Variants in NAV2 observed in about 807,000 individuals in gnomAD.
NAV2 encodes the protein helicase, APC down-regulated 1.
Under a neutral mutation model 223.2 loss-of-function variants are expected in NAV2, and 54 were observed. The ratio of observed to expected loss-of-function variants is 0.24; its 90% CI spans 0.19 to 0.30. The LOEUF (loss-of-function observed/expected upper bound fraction) is 0.30. Among genes scored for constraint, NAV2 ranks in the 10% least tolerant of loss-of-function variants. The pLI, the probability that NAV2 is intolerant of heterozygous loss-of-function variation, is 1.00. For missense variants in NAV2, 2,806 were observed against 3,147.5 expected, an observed-to-expected ratio of 0.89 and a Z score of 2.60; for synonymous variants, 1,279 against 1,239.3, an observed-to-expected ratio of 1.03 and a Z score of -0.67.
chr11:19,553,207 C>T (rs532817057), intron 1 of NAV2, among the ~76,000 whole-genome samples: 14 of 152,314 alleles, frequency 9.2e-5, no homozygotes, highest in Middle Eastern at 6.8e-3. Flanking sequence ...GATGGACCTT[C>T]AAGCCAGAAC....
chr11:20,048,678 G>A, intron 14 of NAV2, 50 bp from the exon 15 acceptor site: 3 of 1,500,020 alleles, frequency 2.0e-6, no homozygotes, highest in Non-Finnish European at 1.8e-6. Flanking sequence ...ACAGTCCGGT[G>A]CCCCTTGGCA....
intron 1 of NAV2, among the ~76,000 whole-genome samples, chr11:19,606,498 G>A (rs906006161): frequency 9.2e-5 from 14 of 151,992 alleles, no homozygotes; most frequent in Non-Finnish European, 2.1e-4. Flanking sequence ...TCCCTTAACC[G>A]TCCTCTCCTC....
intron 1 of NAV2, among the ~76,000 whole-genome samples, chr11:19,363,994 G>T (rs758755030): frequency 6.6e-6 from 1 of 152,106 alleles, no homozygotes; most frequent in Non-Finnish European, 1.5e-5. Flanking sequence ...GAATCTCATG[G>T]TTTATGGATT....
intron 3 of NAV2, among the ~76,000 whole-genome samples, chr11:19,865,114 C>T (rs1447590044): frequency 6.6e-6 from 1 of 152,202 alleles, no homozygotes; most frequent in Non-Finnish European, 1.5e-5. Flanking sequence ...TGCTAATGAA[C>T]AAGTTTGGTC....
chr11:19,584,965 T>A (rs2045846349), intron 1 of NAV2, among the ~76,000 whole-genome samples: 1 of 122,248 alleles, frequency 8.2e-6, no homozygotes, highest in Middle Eastern at 3.9e-3. Flanking sequence ...ATCTGTCTAA[T>A]GTTGACAGTG....
At chr11:20,008,552 A>C (rs141673050) in intron 11 of NAV2, among the ~76,000 whole-genome samples, 18 of 152,262 alleles carry the variant, frequency 1.2e-4, no homozygotes, top group African/African-American at 3.9e-4. Flanking sequence ...CTTAAGCTTG[A>C]CCCTTAGGAT....
intron 1 of NAV2, among the ~76,000 whole-genome samples, chr11:19,509,596 C>T (rs1166659964): frequency 1.3e-5 from 2 of 152,180 alleles, no homozygotes; most frequent in Non-Finnish European, 2.9e-5. Flanking sequence ...TTGCAAGATG[C>T]TTTTCCTAGG....
intron 1 of NAV2, among the ~76,000 whole-genome samples, chr11:19,603,494 G>T (rs1197611198): frequency 6.6e-6 from 1 of 152,020 alleles, no homozygotes; most frequent in African/African-American, 2.4e-5. Context: ...TGGCATGGTG[G>T]CATGCGCCTG....
At chr11:19,939,962 C>T (rs1591338006) in intron 8 of NAV2, among the ~76,000 whole-genome samples, 189 bp downstream of exon 8, 1 of 151,256 alleles carries the variant, frequency 6.6e-6, no homozygotes, top group Non-Finnish European at 1.5e-5. Context: ...CTTTTCTCTC[C>T]CTCTTACAGT....
chr11:19,366,375 A>T (rs749795794), intron 1 of NAV2, among the ~76,000 whole-genome samples: 5 of 152,192 alleles, frequency 3.3e-5, no homozygotes, highest in Non-Finnish European at 5.9e-5. Flanking sequence ...TCTCACCTGT[A>T]GGAGAGCCAG....
chr11:20,017,129 G>T (rs573479259), intron 11 of NAV2, among the ~76,000 whole-genome samples: 1 of 152,250 alleles, frequency 6.6e-6, no homozygotes, highest in East Asian at 1.9e-4. Flanking sequence ...AGGAATGGGG[G>T]AGATGCAGAG....
rs571148171 is a variant in NAV2 at position 20,062,764 on chromosome 11, G to A, written c.4884+405G>A. ...GGCTGGAATGCAGTGGCTTGATCTC[G>A]GCTCACTGCAACCTCCGCCTCCTGG... is the stretch of plus-strand genomic sequence containing the variant. On this transcript the variant is annotated intron_variant, in intron 20 of 37. Coordinates refer to ENST00000349880, the MANE Select transcript of NAV2 (RefSeq NM_145117.5). 1.2e-4 allele frequency among the ~76,000 whole-genome samples: 18 copies of A among 152,176 alleles called. No homozygotes were observed. The South Asian group carries it at 2.9e-3, about 25-fold the overall frequency.
intron 1 of NAV2, among the ~76,000 whole-genome samples, chr11:19,761,187 T>G (rs2054709363): frequency 6.6e-6 from 1 of 152,110 alleles, no homozygotes; most frequent in Admixed American, 6.5e-5. Context: ...TCTGGAGGCC[T>G]TTTTTCTTGG....
intron 31 of NAV2, among the ~76,000 whole-genome samples, chr11:20,100,713 A>G (rs1773751257): frequency 6.6e-6 from 1 of 152,150 alleles, no homozygotes; most frequent in Non-Finnish European, 1.5e-5. Context: ...AAGTTAGCCA[A>G]GACAGGAGAC....
rs547734825 is a variant in NAV2, at chr11:19,616,594, C to T, written c.76-215890C>T. Among the ~76,000 whole-genome samples the T allele has an allele frequency of 1.6e-4, 25 of 152,052 alleles. No individual in the cohort carries two copies. In the East Asian group the frequency reaches 2.9e-3, roughly 18 times the overall value. On this transcript the variant is annotated intron_variant, in intron 1 of 37. Transcript: ENST00000360655. ...ACTCCCTGTGGAGCACCCAGGCTGG[C>T]GAGCTGGCCCCCAGGGTTGCTCCAC... is the stretch of plus-strand genomic sequence containing the variant.
chr11:19,435,976 A>G lies in NAV2; in HGVS notation c.75+84949A>G, dbSNP rs779228286. Among the ~76,000 whole-genome samples the G allele has an allele frequency of 7.9e-5, 12 of 151,582 alleles. No homozygotes were observed. The South Asian group carries it at 1.3e-3, about 16-fold the overall frequency. On this transcript the variant is annotated intron_variant, in intron 1 of 37. Coordinates refer to the NAV2 transcript ENST00000360655. ...CATCTATTTTGGATATCAGCTCCTT[A>G]TCCAATGTATGATTTGCAAATATTT...
chr11:19,644,256 C>G (rs1453275003), intron 1 of NAV2, among the ~76,000 whole-genome samples: 3 of 152,232 alleles, frequency 2.0e-5, no homozygotes, highest in Non-Finnish European at 4.4e-5. Context: ...ATTATTTTCT[C>G]CACTTTGATG....
chr11:19,437,000 A>T (rs1375426232), intron 1 of NAV2, among the ~76,000 whole-genome samples: 1 of 152,188 alleles, frequency 6.6e-6, no homozygotes, highest in Admixed American at 6.5e-5. Context: ...AGGATTTTCT[A>T]TACATAAGAT....
At chr11:19,407,455 C>A (rs1384403459) in intron 1 of NAV2, among the ~76,000 whole-genome samples, 3 of 152,122 alleles carry the variant, frequency 2.0e-5, no homozygotes, top group Non-Finnish European at 2.9e-5. Context: ...AGATATAGCC[C>A]GAGGGTGGAA....
Sources: gnomAD v4.1 joint callset for allele counts (sites outside exome capture counted in the v4.1 genomes callset) on GRCh38, gnomAD v4.1.1 for gene constraint, MANE v1.5 for transcripts, NCBI Gene and HGNC (gene_info 2026-07-23, HGNC 2026-07-21) for gene names.